LRRC69: variants seen among roughly 807,000 people sequenced by gnomAD.
LRRC69 encodes leucine-rich repeat-containing protein 69.
Under a neutral mutation model 37.8 loss-of-function variants are expected in LRRC69, and 42 were observed. That is an observed-to-expected ratio of 1.11 (90% confidence interval 0.87 to 1.44). The LOEUF is 1.44. Among genes scored for constraint, LRRC69 ranks in the 40% most tolerant of loss-of-function variants. LRRC69 has a pLI of 0.00. For synonymous variants in LRRC69, 141 were observed against 143.1 expected, an observed-to-expected ratio of 0.99 and a Z score of 0.11; for missense variants, 357 against 401.9, an observed-to-expected ratio of 0.89 and a Z score of 0.96.
At chr8:91,180,776 G>C (rs994395131) in intron 5 of LRRC69, among the ~76,000 whole-genome samples, 1 of 151,318 alleles carries the variant, frequency 6.6e-6, no homozygotes, top group African/African-American at 2.4e-5. Flanking sequence ...TCTGGCATAG[G>C]GCAAAGAATC....
chr8:91,218,386 G>T (rs981438959), intron 7 of LRRC69, among the ~76,000 whole-genome samples: 28 of 80,612 alleles, frequency 3.5e-4, no homozygotes, highest in Non-Finnish European at 6.7e-4. Flanking sequence ...TTTAATTCAT[G>T]TATTAGGCAA....
intron 5 of LRRC69, chr8:91,157,197 T>G: frequency 1.1e-6 from 1 of 918,740 alleles, no homozygotes; most frequent in Admixed American, 2.0e-5. Flanking sequence ...ATCTGTAGAT[T>G]GCTTTGTGTA....
At chr8:91,144,845 A>AT (rs1471536114) in intron 5 of LRRC69, among the ~76,000 whole-genome samples, 1 of 151,880 alleles carries the variant, frequency 6.6e-6, no homozygotes, top group Non-Finnish European at 1.5e-5. Flanking sequence ...GTACATAAAT[A>AT]TTTTTTGTGC....
At chr8:91,147,591 T>C (rs1363968944) in intron 5 of LRRC69, among the ~76,000 whole-genome samples, 1 of 151,712 alleles carries the variant, frequency 6.6e-6, no homozygotes, top group East Asian at 1.9e-4. Context: ...TTTAATTTGT[T>C]CTACTTGTTC....
intron 5 of LRRC69, among the ~76,000 whole-genome samples, chr8:91,174,059 A>AATTTTTTTTTTATT (rs1809184090): frequency 5.5e-5 from 1 of 18,056 alleles, no homozygotes; most frequent in Admixed American, 2.6e-4. Context: ...ATTTTTCTAC[A>AATTTTTTTTTTATT]ATGCCTTGAA....
chr8:91,199,726 A>C (rs946667074), intron 6 of LRRC69, among the ~76,000 whole-genome samples: 45 of 152,212 alleles, frequency 3.0e-4, no homozygotes, highest in Non-Finnish European at 5.6e-4. Context: ...TAACATTTAT[A>C]CAGGACTTCC....
intron 5 of LRRC69, among the ~76,000 whole-genome samples, chr8:91,141,755 CAAAG>C (rs1470281625): frequency 1.3e-5 from 2 of 151,892 alleles, no homozygotes; most frequent in East Asian, 3.9e-4. Context: ...TGAGAAAAAT[CAAAG>C]AAACTGGCAT....
chr8:91,178,950 A>C (rs1182003888), intron 5 of LRRC69, among the ~76,000 whole-genome samples: 1 of 152,144 alleles, frequency 6.6e-6, no homozygotes, highest in Non-Finnish European at 1.5e-5. Flanking sequence ...CTTGACTTTT[A>C]AGGTTCAGAT....
intron 5 of LRRC69, among the ~76,000 whole-genome samples, chr8:91,170,342 G>A (rs984822614): frequency 5.3e-5 from 8 of 150,786 alleles, no homozygotes; most frequent in Non-Finnish European, 7.4e-5. Context: ...GTAATTTACA[G>A]ATTCAATGCC....
At chr8:91,109,601 A>C (rs1416109691) in intron 1 of LRRC69, among the ~76,000 whole-genome samples, 3 of 152,022 alleles carry the variant, frequency 2.0e-5, no homozygotes, top group African/African-American at 7.2e-5. Context: ...TTTTGATGGC[A>C]TATTAAAAGG....
intron 5 of LRRC69, chr8:91,157,660 G>T: frequency 6.9e-6 from 11 of 1,584,608 alleles, no homozygotes; most frequent in African/African-American, 1.3e-5. Flanking sequence ...TTTTAATGTT[G>T]AATGCCTTAC....
chr8:91,114,833 A>G (rs1813479753), intron 1 of LRRC69, among the ~76,000 whole-genome samples: 1 of 152,078 alleles, frequency 6.6e-6, no homozygotes, highest in Non-Finnish European at 1.5e-5. Flanking sequence ...GTAAAGTGAC[A>G]CATGACTGTA....
At chr8:91,189,240 C>G (rs1182666362) in intron 5 of LRRC69, among the ~76,000 whole-genome samples, 3 of 152,130 alleles carry the variant, frequency 2.0e-5, no homozygotes, top group Non-Finnish European at 2.9e-5. Context: ...AGTTCTATAA[C>G]CCTAAACAAG....
At chr8:91,194,701 T>C (rs142843386) in intron 6 of LRRC69, among the ~76,000 whole-genome samples, 4,767 of 152,284 alleles carry the variant, frequency 0.031, 236 homozygotes, top group African/African-American at 0.11. Context: ...ATATCCCCTT[T>C]ATCATTTTTT....
chr8:91,217,879 G>A (rs892917731), intron 7 of LRRC69, among the ~76,000 whole-genome samples: 3 of 152,146 alleles, frequency 2.0e-5, no homozygotes, highest in Non-Finnish European at 2.9e-5. Context: ...TTTACAGTTA[G>A]GATAGTGCTG....
At chr8:91,113,862 G>GAAAC (rs1047001712) in intron 1 of LRRC69, among the ~76,000 whole-genome samples, 1 of 142,442 alleles carries the variant, frequency 7.0e-6, no homozygotes, top group African/African-American at 2.6e-5. Context: ...TCAATAGCAA[G>GAAAC]AAACAAACAA....
intron 1 of LRRC69, among the ~76,000 whole-genome samples, chr8:91,103,490 T>A (rs1045820713): frequency 3.3e-5 from 5 of 152,086 alleles, no homozygotes; most frequent in African/African-American, 1.2e-4. Context: ...TGTGAAACTC[T>A]AGCTGCCAAA....
chr8:91,199,100 T>G (rs1809670248), intron 6 of LRRC69, among the ~76,000 whole-genome samples: 2 of 152,210 alleles, frequency 1.3e-5, no homozygotes, highest in African/African-American at 4.8e-5. Flanking sequence ...TCTGCTATTT[T>G]GGGTAGTGAA....
chr8:91,173,933 GA>G (rs796938761), intron 5 of LRRC69, among the ~76,000 whole-genome samples: 3 of 132,536 alleles, frequency 2.3e-5, no homozygotes, highest in East Asian at 2.2e-4. Context: ...TAGCAATAAT[GA>G]AAAAAAAAGA....
Sources: allele counts gnomAD v4.1 joint callset (sites outside exome capture counted in the v4.1 genomes callset), GRCh38; gene constraint gnomAD v4.1.1; transcripts MANE v1.5; gene names NCBI Gene and HGNC (gene_info 2026-07-23, HGNC 2026-07-21).